PPP2R3A: variants seen among roughly 807,000 people sequenced by gnomAD.
PPP2R3A encodes protein phosphatase 2 regulatory subunit B''alpha, also known as serine/threonine-protein phosphatase 2A regulatory subunit B'' subunit alpha.
In PPP2R3A, 80 loss-of-function variants were observed where a neutral mutation model predicts 106.9. The observed-to-expected ratio is 0.75, with a 90% CI of 0.62 to 0.90. The LOEUF (loss-of-function observed/expected upper bound fraction) is 0.90, where lower values mean the gene tolerates loss of function less well. PPP2R3A is among the 40% of genes least tolerant of loss of function. The pLI is 0.00. For missense variants in PPP2R3A, 1,386 were observed against 1,350.4 expected (o/e 1.03, Z -0.41); for synonymous variants, 483 against 468.3 (o/e 1.03, Z -0.41).
intron 1 of PPP2R3A, among the ~76,000 whole-genome samples, chr3:135,979,890 A>G (rs1209753342): frequency 6.6e-6 from 1 of 151,886 alleles, no homozygotes; most frequent in Non-Finnish European, 1.5e-5. Flanking sequence ...GTAGAAATTG[A>G]TTGGTTTTAA....
At chr3:136,123,625 C>T (rs1254733911) in intron 13 of PPP2R3A, among the ~76,000 whole-genome samples, 1 of 152,086 alleles carries the variant, frequency 6.6e-6, no homozygotes, top group African/African-American at 2.4e-5. Flanking sequence ...TTGTCCAGTT[C>T]AAAAGACAGA....
intron 8 of PPP2R3A, among the ~76,000 whole-genome samples, chr3:136,083,536 T>C (rs541580797): frequency 6.6e-6 from 1 of 152,334 alleles, no homozygotes; most frequent in Non-Finnish European, 1.5e-5. Context: ...GTCTCAGGTA[T>C]GTCTTTACTA....
At chr3:136,082,560 G>A in intron 8 of PPP2R3A, 139 bp downstream of exon 8, 1 of 867,338 alleles carries the variant, frequency 1.2e-6, no homozygotes, top group Non-Finnish European at 1.8e-6. Context: ...TTTTAAGAGG[G>A]GATGAGTGAA....
At chr3:136,139,083 T>G (rs1196564866) in intron 13 of PPP2R3A, among the ~76,000 whole-genome samples, 1 of 152,110 alleles carries the variant, frequency 6.6e-6, no homozygotes, top group African/African-American at 2.4e-5. Context: ...AATCCCTGAA[T>G]CAAATATTCT....
intron 10 of PPP2R3A, among the ~76,000 whole-genome samples, chr3:136,096,679 C>T (rs1176609960): frequency 6.6e-6 from 1 of 152,224 alleles, no homozygotes; most frequent in Non-Finnish European, 1.5e-5. Flanking sequence ...ACAGAATATA[C>T]ATTTAATTAC....
intron 6 of PPP2R3A, among the ~76,000 whole-genome samples, chr3:136,071,113 C>T (rs750907379): frequency 3.3e-5 from 5 of 152,238 alleles, no homozygotes; most frequent in Admixed American, 1.3e-4. Context: ...CCACAGGGCA[C>T]GGAGTAGCCA....
intron 5 of PPP2R3A, among the ~76,000 whole-genome samples, chr3:136,051,701 G>A (rs901937760): frequency 6.6e-6 from 1 of 152,152 alleles, no homozygotes; most frequent in Non-Finnish European, 1.5e-5. Flanking sequence ...AGGTGTCCTA[G>A]TCAATGAATT....
chr3:136,101,584 G>A (rs1028474697), intron 10 of PPP2R3A, among the ~76,000 whole-genome samples: 4 of 151,934 alleles, frequency 2.6e-5, no homozygotes, highest in Admixed American at 1.3e-4. Flanking sequence ...ACCACCATGC[G>A]CAGCTAGTTT....
intron 5 of PPP2R3A, among the ~76,000 whole-genome samples, chr3:136,054,738 C>G (rs1016867696): frequency 1.3e-5 from 2 of 152,164 alleles, no homozygotes; most frequent in Admixed American, 1.3e-4. Flanking sequence ...TATTTTCTAC[C>G]TTTGTAAAAC....
intron 5 of PPP2R3A, among the ~76,000 whole-genome samples, chr3:136,063,940 T>C (rs1329514253): frequency 1.3e-5 from 2 of 150,078 alleles, no homozygotes; most frequent in African/African-American, 5.0e-5. Flanking sequence ...GGATTATAAA[T>C]CATGCTGCTA....
intron 5 of PPP2R3A, among the ~76,000 whole-genome samples, chr3:136,052,277 A>G: frequency 6.6e-6 from 1 of 152,178 alleles, no homozygotes; most frequent in East Asian, 1.9e-4. Context: ...GGATCTGGGC[A>G]GTGGGAAGCA....
chr3:136,016,908 T>C (rs746862845), intron 2 of PPP2R3A, among the ~76,000 whole-genome samples: 1 of 152,170 alleles, frequency 6.6e-6, no homozygotes, highest in Non-Finnish European at 1.5e-5. Context: ...TTATTTTATA[T>C]GCCGTGTGAA....
chr3:136,000,303 C>T (rs1393430918), intron 1 of PPP2R3A, among the ~76,000 whole-genome samples: 1 of 152,164 alleles, frequency 6.6e-6, no homozygotes, highest in African/African-American at 2.4e-5. Flanking sequence ...GAACCTGGTA[C>T]ACACAGTAGG....
At chr3:136,106,649 C>T (rs1270211021) in intron 13 of PPP2R3A, 2 of 261,752 alleles carry the variant, frequency 7.6e-6, no homozygotes, top group Non-Finnish European at 7.3e-6. Context: ...TGGCCGGGCA[C>T]GGTGGCTCAC....
intron 4 of PPP2R3A, among the ~76,000 whole-genome samples, chr3:136,047,281 T>G (rs1935503358): frequency 6.6e-6 from 1 of 152,168 alleles, no homozygotes; most frequent in South Asian, 2.1e-4. Context: ...ATCCAGTAGT[T>G]CTATTACTGG....
intron 7 of PPP2R3A, among the ~76,000 whole-genome samples, chr3:136,081,575 G>A (rs1326193316): frequency 1.3e-5 from 2 of 151,812 alleles, no homozygotes; most frequent in African/African-American, 4.8e-5. Flanking sequence ...ACATTCTTTT[G>A]TGCTTTTATT....
chr3:135,976,050 A>G (rs1937411850), intron 1 of PPP2R3A, among the ~76,000 whole-genome samples: 1 of 151,914 alleles, frequency 6.6e-6, no homozygotes. Flanking sequence ...ATTTGTATTT[A>G]TTTTTCTGTC....
intron 5 of PPP2R3A, among the ~76,000 whole-genome samples, chr3:136,053,456 C>T (rs1270551655): frequency 6.6e-6 from 1 of 152,138 alleles, no homozygotes; most frequent in East Asian, 1.9e-4. Flanking sequence ...GTGAAGTGAG[C>T]TCCTGTGCTC....
intron 2 of PPP2R3A, among the ~76,000 whole-genome samples, chr3:136,018,083 A>G (rs1005315304): frequency 1.3e-5 from 2 of 152,240 alleles, no homozygotes; most frequent in Non-Finnish European, 2.9e-5. Flanking sequence ...CCTGGGCAAC[A>G]TGGCGAAACC....
Sources: gnomAD v4.1 joint callset for allele counts (sites outside exome capture counted in the v4.1 genomes callset) on GRCh38, gnomAD v4.1.1 for gene constraint, MANE v1.5 for transcripts, NCBI Gene and HGNC (gene_info 2026-07-23, HGNC 2026-07-21) for gene names.